Variants in CPPED1 observed in about 807,000 individuals in gnomAD.
CPPED1 encodes the protein serine/threonine-protein phosphatase CPPED1.
CPPED1 carries 28 observed loss-of-function variants against 28.0 expected under a neutral mutation model. That is an observed-to-expected ratio of 1.00 (90% CI 0.74 to 1.37). The LOEUF (loss-of-function observed/expected upper bound fraction) is 1.37, where lower values mean the gene tolerates loss of function less well. CPPED1 is among the 40% of genes most tolerant of loss of function. The pLI is 0.00. For missense variants in CPPED1, 504 were observed against 416.5 expected, an observed-to-expected ratio of 1.21 and a Z score of -1.83; for synonymous variants, 198 against 180.2, an observed-to-expected ratio of 1.10 and a Z score of -0.79.
chr16:12,699,447 C>T (rs552726605), intron 3 of CPPED1, among the ~76,000 whole-genome samples: 6 of 152,094 alleles, frequency 3.9e-5, no homozygotes, highest in Non-Finnish European at 8.8e-5. Flanking sequence ...CCTCCACTCC[C>T]GGTGGTCCAC....
At chr16:12,728,688 GT>G (rs2080182023) in intron 2 of CPPED1, among the ~76,000 whole-genome samples, 2 of 152,318 alleles carry the variant, frequency 1.3e-5, no homozygotes, top group East Asian at 3.9e-4. Context: ...GGCTGACCAG[GT>G]GGCTGGGGCC....
chr16:12,798,914 A>C (rs1051183984), intron 1 of CPPED1, among the ~76,000 whole-genome samples: 5 of 152,196 alleles, frequency 3.3e-5, no homozygotes, highest in African/African-American at 1.2e-4. Context: ...AGACATGTAC[A>C]ATTTTTTTTA....
At chr16:12,754,211 G>A (rs1260432640) in intron 2 of CPPED1, among the ~76,000 whole-genome samples, 1 of 152,174 alleles carries the variant, frequency 6.6e-6, no homozygotes, top group Non-Finnish European at 1.5e-5. Flanking sequence ...GGCTCTGTTT[G>A]ATGACAGATG....
At chr16:12,681,068 C>A (rs1596443420) in intron 3 of CPPED1, among the ~76,000 whole-genome samples, 1 of 152,098 alleles carries the variant, frequency 6.6e-6, no homozygotes, top group South Asian at 2.1e-4. Context: ...CTAAAGCCAG[C>A]TCATACTCTA....
chr16:12,719,294 G>A lies in CPPED1; in HGVS notation c.290-14245C>T, dbSNP rs545969530. ...TAGTCCCAGCTACTCGGGAAGCTGA[G>A]GCAGGAGAATGGCGTGAACCCAGGA... is the stretch of plus-strand genomic sequence containing the variant. On this transcript the variant is annotated intron_variant, in intron 2 of 3. Transcript: ENST00000381774. 2.5e-4 allele frequency among the ~76,000 whole-genome samples: 38 copies of A among 152,102 alleles called. No homozygotes were observed. In the South Asian group the frequency reaches 7.3e-3, roughly 29 times the overall value.
intron 2 of CPPED1, among the ~76,000 whole-genome samples, chr16:12,732,451 A>AAC (rs879311973): frequency 9.8e-5 from 14 of 142,264 alleles, no homozygotes; most frequent in South Asian, 2.3e-4. Flanking sequence ...GCCCACACAC[A>AAC]ACACACACAC....
rs548714161 is a variant in CPPED1, at chr16:12,736,912, G to A, written c.290-31863C>T. 3.9e-5 allele frequency among the ~76,000 whole-genome samples: 6 copies of A among 152,176 alleles called. No homozygotes were observed. The South Asian group carries it at 1.2e-3, about 32-fold the overall frequency. On this transcript the variant is annotated intron_variant, in intron 2 of 3. Coordinates refer to ENST00000381774, the MANE Select transcript of CPPED1 (RefSeq NM_018340.3). Reference sequence around the variant, plus strand: ...ACTCTAAAATCAGAGATCATCAGATGGGTGCGGTGGCTCACCCCTGTAATC... The same window carrying A: ...ACTCTAAAATCAGAGATCATCAGATAGGTGCGGTGGCTCACCCCTGTAATC...
At position 12,664,858 on chromosome 16, in the gene CPPED1, G is replaced by A. The variant is rs1329213158; in HGVS notation, c.*28C>T. ...GGCAAAATAAAAAAATAGTGCAAGTGAAAAGTGAACGGGAACGGGAAGGAG... is the reference window on the plus strand; with the variant it reads ...GGCAAAATAAAAAAATAGTGCAAGTAAAAAGTGAACGGGAACGGGAAGGAG... On this transcript the variant is annotated 3_prime_UTR_variant, in exon 4 of 4. Coordinates refer to ENST00000381774, the MANE Select transcript of CPPED1 (RefSeq NM_018340.3). The surrounding 1 kb of genome is among the most constrained non-coding windows in gnomAD (Gnocchi z 4.2). 6.2e-7 allele frequency: 1 copy of A among 1,609,118 alleles called. No homozygotes were observed. The highest frequency in any genetic ancestry group is 2.2e-5 in the East Asian group (1 of 44,698).
At chr16:12,672,880 G>A (rs1419193289) in intron 3 of CPPED1, among the ~76,000 whole-genome samples, 1 of 152,162 alleles carries the variant, frequency 6.6e-6, no homozygotes, top group African/African-American at 2.4e-5. Context: ...CAGGCGTGGT[G>A]GCAGGCGCCT....
chr16:12,720,005 G>GCACA (rs376067111), intron 2 of CPPED1, among the ~76,000 whole-genome samples: 1 of 151,062 alleles, frequency 6.6e-6, no homozygotes, highest in East Asian at 1.9e-4. Flanking sequence ...TACACTATGT[G>GCACA]CACACACACA....
chr16:12,670,639 C>T lies in CPPED1; in HGVS notation c.716-5524G>A, dbSNP rs930248077. Among the ~76,000 whole-genome samples the T allele has an allele frequency of 6.6e-6, 1 of 152,168 alleles. No homozygotes were observed. Among genetic ancestry groups the T allele is most frequent in the African/African-American group, 2.4e-5 (1 of 41,436 alleles). On this transcript the variant is annotated intron_variant, in intron 3 of 3. Transcript: ENST00000381774. The surrounding 1 kb of genome is among the most constrained non-coding windows in gnomAD (Gnocchi z 4.2). ...CACTTCACCTCTGTGGTCTTCCTCT[C>T]CCAAATCCATCACCCCAGTCTAATC...
chr16:12,781,020 G>C, intron 2 of CPPED1, 165 bp downstream of exon 2: 1 of 620,010 alleles, frequency 1.6e-6, no homozygotes, highest in East Asian at 2.8e-5. Flanking sequence ...TATAACATGA[G>C]TGTGCACTTT....
At chr16:12,699,795 TG>T (rs1260665780) in intron 3 of CPPED1, among the ~76,000 whole-genome samples, 1 of 152,128 alleles carries the variant, frequency 6.6e-6, no homozygotes, top group Non-Finnish European at 1.5e-5. Flanking sequence ...AATATTGCCA[TG>T]GGGGGAAGAA....
chr16:12,730,825 T>A (rs1366493155), intron 2 of CPPED1, among the ~76,000 whole-genome samples: 6 of 152,170 alleles, frequency 3.9e-5, no homozygotes, highest in Non-Finnish European at 8.8e-5. Context: ...ATGTTCCACA[T>A]CTCAACTCGA....
intron 2 of CPPED1, chr16:12,780,917 G>A (rs2080526468): frequency 2.2e-6 from 1 of 455,440 alleles, no homozygotes; most frequent in Non-Finnish European, 4.0e-6. Context: ...GAAAGGTGAT[G>A]TGTGGGAATC....
chr16:12,741,943 G>A (rs1205934916), intron 2 of CPPED1, among the ~76,000 whole-genome samples: 1 of 152,012 alleles, frequency 6.6e-6, no homozygotes, highest in African/African-American at 2.4e-5. Context: ...GCACATGACT[G>A]TAATCCCAAT....
chr16:12,701,047 G>A (rs1032282012), intron 3 of CPPED1, among the ~76,000 whole-genome samples: 6 of 152,088 alleles, frequency 3.9e-5, no homozygotes, highest in Admixed American at 6.6e-5. Flanking sequence ...GGGCAACACA[G>A]TGAGACCTCC....
chr16:12,747,713 C>T (rs542906280), intron 2 of CPPED1, among the ~76,000 whole-genome samples: 4 of 152,216 alleles, frequency 2.6e-5, no homozygotes, highest in East Asian at 1.9e-4. Context: ...CCACCGCGCC[C>T]GGCCTTAACG....
At chr16:12,733,673 C>T (rs566769198) in intron 2 of CPPED1, among the ~76,000 whole-genome samples, 5 of 152,258 alleles carry the variant, frequency 3.3e-5, no homozygotes, top group Admixed American at 6.5e-5. Context: ...CTCCAGGACA[C>T]AAATTCAATA....
Sources: allele counts gnomAD v4.1 joint callset (sites outside exome capture counted in the v4.1 genomes callset), GRCh38; gene constraint gnomAD v4.1.1; non-coding constraint Gnocchi (gnomAD v3.1); transcripts MANE v1.5; gene names NCBI Gene and HGNC (gene_info 2026-07-23, HGNC 2026-07-21).